The following EVL variants were observed in gnomAD, a reference collection of about 807,000 sequenced individuals.
EVL encodes the protein ena/VASP-like protein.
In EVL, 21 loss-of-function variants were observed where a neutral mutation model predicts 59.6. The observed-to-expected ratio is 0.35, with a 90% CI of 0.25 to 0.51. The LOEUF (loss-of-function observed/expected upper bound fraction) is 0.51. EVL is among the 20% of genes least tolerant of loss of function. The probability of loss-of-function intolerance (pLI) is 0.97; values close to 1 mark genes in which losing one functional copy is unlikely to be tolerated. For missense variants in EVL, 462 were observed against 546.6 expected, an observed-to-expected ratio of 0.85 and a Z score of 1.54; for synonymous variants, 198 against 203.5, an observed-to-expected ratio of 0.97 and a Z score of 0.23.
intron 1 of EVL, among the ~76,000 whole-genome samples, chr14:99,978,635 A>G (rs1467362859): frequency 6.6e-6 from 1 of 152,234 alleles, no homozygotes. Context: ...AAATGAATCC[A>G]GGGGGACTTT....
At chr14:100,031,545 T>G (rs1480828251) in intron 1 of EVL, among the ~76,000 whole-genome samples, 2 of 152,204 alleles carry the variant, frequency 1.3e-5, no homozygotes, top group Non-Finnish European at 2.9e-5. Context: ...TGAACCTAGA[T>G]GTGTTAGAAG....
intron 13 of EVL, 120 bp from the exon 14 acceptor site, chr14:100,143,581 C>T: frequency 3.2e-6 from 4 of 1,260,318 alleles, no homozygotes; most frequent in Non-Finnish European, 4.5e-6. Flanking sequence ...GGGTGGGGCT[C>T]CCAGGAGATG....
intron 4 of EVL, among the ~76,000 whole-genome samples, chr14:100,125,545 G>A (rs1393864301): frequency 6.6e-6 from 1 of 151,898 alleles, no homozygotes; most frequent in Non-Finnish European, 1.5e-5. Context: ...ATGCTAAAAG[G>A]GGCTTTTCCG....
At chr14:100,087,953 A>T (rs1466712875) in intron 2 of EVL, among the ~76,000 whole-genome samples, 1 of 152,212 alleles carries the variant, frequency 6.6e-6, no homozygotes. Context: ...AAGAAGATAG[A>T]AACTGAAGGG....
intron 2 of EVL, among the ~76,000 whole-genome samples, chr14:100,094,600 G>A (rs1291903602): frequency 2.0e-5 from 3 of 151,868 alleles, no homozygotes; most frequent in Non-Finnish European, 2.9e-5. Flanking sequence ...AAAATTGGAT[G>A]GGGCATGGTG....
intron 4 of EVL, among the ~76,000 whole-genome samples, chr14:100,126,480 A>T (rs1031439009): frequency 1.3e-5 from 2 of 152,222 alleles, no homozygotes; most frequent in Non-Finnish European, 2.9e-5. Context: ...CTCTGTGTTC[A>T]GTGTGCCTGA....
Position 100,136,032 on chromosome 14 carries a change from T to C in EVL, c.964+64T>C. ...GGTCTCAGAGTGGGAGGGGGGACCC[T>C]TCGGACAGGACCCTCTGATCCAGCC... On this transcript the variant is annotated intron_variant, in intron 9 of 13. Transcript: ENST00000392920. 3 of 1,561,974 alleles carry C rather than the reference T, an allele frequency of 1.9e-6. 1 individual carries two copies. The South Asian group carries it at 3.3e-5, about 17-fold the overall frequency.
At chr14:100,053,896 C>T (rs994755157) in intron 1 of EVL, among the ~76,000 whole-genome samples, 2 of 152,086 alleles carry the variant, frequency 1.3e-5, no homozygotes, top group African/African-American at 4.8e-5. Flanking sequence ...GCAATCCTGC[C>T]TCAGCCTCCC....
At chr14:99,977,596 G>A (rs922935348) in intron 1 of EVL, among the ~76,000 whole-genome samples, 8 of 151,888 alleles carry the variant, frequency 5.3e-5, no homozygotes, top group East Asian at 2.0e-4. Context: ...CACTACGCGC[G>A]GCTAATATTT....
chr14:100,064,320 A>AT (rs2061889069), upstream of EVL, among the ~76,000 whole-genome samples: 1 of 152,182 alleles, frequency 6.6e-6, no homozygotes, highest in South Asian at 2.1e-4. Context: ...GTCGTTCTCA[A>AT]TTTTTTGTCT....
chr14:100,137,810 A>T lies in EVL; in HGVS notation c.1094+8A>T, dbSNP rs371284311. On this transcript the variant is annotated splice_region_variant and intron_variant, in intron 11 of 13. Coordinates refer to ENST00000392920, the MANE Select transcript of EVL (RefSeq NM_016337.3). ...GTCGCAGCCTCACTCTAGGTACCGA[A>T]CAACCCTCCTGCTCACATGTCCCCC... 6.2e-7 allele frequency: 1 copy of T among 1,613,828 alleles called. No homozygotes were observed. Among genetic ancestry groups the T allele is most frequent in the Non-Finnish European group, 8.5e-7 (1 of 1,179,944 alleles).
At chr14:100,136,499 G>C (rs968593738) in intron 9 of EVL, among the ~76,000 whole-genome samples, 11 of 152,308 alleles carry the variant, frequency 7.2e-5, no homozygotes, top group African/African-American at 2.4e-4. Context: ...AGGCTTCGCA[G>C]GGGAGGAAGA....
intron 9 of EVL, 83 bp from the exon 10 acceptor site, chr14:100,137,495 T>C (rs1888874503): frequency 4.8e-6 from 7 of 1,449,286 alleles, no homozygotes; most frequent in Non-Finnish European, 6.8e-6. Flanking sequence ...GGTGAGGGCT[T>C]CCTGTTGGGG....
chr14:100,037,632 G>C (rs2061407553), intron 1 of EVL, among the ~76,000 whole-genome samples: 1 of 152,136 alleles, frequency 6.6e-6, no homozygotes, highest in African/African-American at 2.4e-5. Flanking sequence ...ATAAAATATA[G>C]AATATTAGAA....
At chr14:100,136,029 C>T (rs1390792877) in intron 9 of EVL, 61 bp downstream of exon 9, 1 of 1,575,554 alleles carries the variant, frequency 6.3e-7, no homozygotes, top group Non-Finnish European at 8.7e-7. Flanking sequence ...GGAGGGGGGA[C>T]CCTTCGGACA....
intron 13 of EVL, among the ~76,000 whole-genome samples, 196 bp from the exon 14 acceptor site, chr14:100,143,505 G>T (rs181373498): frequency 6.6e-6 from 1 of 152,192 alleles, no homozygotes; most frequent in South Asian, 2.1e-4. Context: ...AGGGGCCGCC[G>T]CAGAAGGAAT....
intron 13 of EVL, 171 bp downstream of exon 13, chr14:100,141,964 T>A (rs1266241130): frequency 3.7e-6 from 2 of 543,662 alleles, no homozygotes; most frequent in Admixed American, 3.2e-5. Context: ...TCAGGAAAGC[T>A]GAAAGCTAAG....
intron 1 of EVL, among the ~76,000 whole-genome samples, chr14:100,043,137 C>G (rs533003216): frequency 6.6e-6 from 1 of 152,162 alleles, no homozygotes; most frequent in African/African-American, 2.4e-5. Context: ...TTTTATAGAT[C>G]ACTGAAATCC....
At position 99,972,796 on chromosome 14, in the gene EVL, A is replaced by G. The variant is rs1165255010; in HGVS notation, c.5+739A>G. On this transcript the variant is annotated intron_variant, in intron 1 of 13. Coordinates refer to the EVL transcript ENST00000402714. This position sits in a 1 kb window ranked among gnomAD's most constrained non-coding sequence, Gnocchi z 4.4. ...GATCCTGTCGTGACTTTTTTGGGGT[A>G]ATCACTTTTTTTTTTTCCATTTGTA... Among the ~76,000 whole-genome samples, 5 of 151,504 alleles carry G rather than the reference A, an allele frequency of 3.3e-5. No homozygotes were observed. The highest frequency in any genetic ancestry group is 7.4e-5 in the Non-Finnish European group (5 of 67,948).
Sources: allele counts gnomAD v4.1 joint callset (sites outside exome capture counted in the v4.1 genomes callset), GRCh38; gene constraint gnomAD v4.1.1; non-coding constraint Gnocchi (gnomAD v3.1); transcripts MANE v1.5; gene names NCBI Gene and HGNC (gene_info 2026-07-23, HGNC 2026-07-21).